ANKRD6: variants seen among roughly 807,000 people sequenced by gnomAD.
ANKRD6 encodes the protein ankyrin repeat domain 6.
ANKRD6 carries 56 observed loss-of-function variants against 82.3 expected under a neutral mutation model. The ratio of observed to expected loss-of-function variants is 0.68; its 90% CI spans 0.55 to 0.85. The LOEUF is 0.85. Among genes scored for constraint, ANKRD6 ranks in the 40% least tolerant of loss-of-function variants. The pLI, the probability that ANKRD6 is intolerant of heterozygous loss-of-function variation, is 0.00. For missense variants in ANKRD6, 852 were observed against 907.6 expected (o/e 0.94, Z 0.79); for synonymous variants, 347 against 352.1 (o/e 0.99, Z 0.16).
intron 1 of ANKRD6, among the ~76,000 whole-genome samples, chr6:89,441,093 T>G (rs1045151330): frequency 6.6e-6 from 1 of 152,216 alleles, no homozygotes; most frequent in African/African-American, 2.4e-5. Context: ...ACTTAATCTC[T>G]GTGGCCCACT....
intron 1 of ANKRD6, among the ~76,000 whole-genome samples, chr6:89,480,881 A>C (rs147173501): frequency 1.4e-5 from 2 of 142,614 alleles, no homozygotes; most frequent in Non-Finnish European, 3.0e-5. Context: ...GGTTGAGGCT[A>C]CAGTGAGCCA....
intron 1 of ANKRD6, among the ~76,000 whole-genome samples, chr6:89,455,059 G>T (rs1046462266): frequency 6.6e-6 from 1 of 151,638 alleles, no homozygotes; most frequent in Non-Finnish European, 1.5e-5. Context: ...GGCCAGGCTG[G>T]TCTCGAACTC....
intron 9 of ANKRD6, chr6:89,618,521 T>C (rs74437969): frequency 4.2e-6 from 1 of 238,864 alleles, no homozygotes; most frequent in Non-Finnish European, 8.0e-6. Context: ...TTTTACTGAC[T>C]AATGGTATTT....
At chr6:89,531,796 G>A (rs1270825651) in intron 1 of ANKRD6, among the ~76,000 whole-genome samples, 1 of 152,238 alleles carries the variant, frequency 6.6e-6, no homozygotes, top group African/African-American at 2.4e-5. Context: ...TACAAAAAAG[G>A]CCAATAGGTT....
chr6:89,599,249 T>C (rs757069846), intron 3 of ANKRD6, among the ~76,000 whole-genome samples: 49 of 152,264 alleles, frequency 3.2e-4, no homozygotes, highest in Non-Finnish European at 3.4e-4. Context: ...GGCAAATGCC[T>C]GTGGTCCCAG....
intron 1 of ANKRD6, among the ~76,000 whole-genome samples, chr6:89,441,912 G>A (rs536466715): frequency 2.0e-5 from 3 of 151,896 alleles, no homozygotes; most frequent in Admixed American, 6.6e-5. Flanking sequence ...GATTACAGGC[G>A]TGAGCCACTG....
At chr6:89,567,763 C>A (rs543653135) in intron 2 of ANKRD6, among the ~76,000 whole-genome samples, 1 of 152,182 alleles carries the variant, frequency 6.6e-6, no homozygotes, top group African/African-American at 2.4e-5. Flanking sequence ...TTGCTGTAAG[C>A]ACTTTACAGC....
intron 1 of ANKRD6, among the ~76,000 whole-genome samples, chr6:89,537,896 A>AAG (rs1554229853): frequency 5.3e-5 from 7 of 133,126 alleles, no homozygotes; most frequent in African/African-American, 1.1e-4. Context: ...AAAAAAAAAA[A>AAG]AAAAGAAAAG....
chr6:89,520,489 G>A (rs1045095778), intron 1 of ANKRD6, among the ~76,000 whole-genome samples: 1 of 152,198 alleles, frequency 6.6e-6, no homozygotes. Flanking sequence ...AAAGATAGGG[G>A]CCTATGGTCT....
chr6:89,576,208 C>T (rs905519219), intron 2 of ANKRD6, among the ~76,000 whole-genome samples: 6 of 152,166 alleles, frequency 3.9e-5, no homozygotes, highest in East Asian at 1.9e-4. Flanking sequence ...CCTGCCACCA[C>T]GCCTGGCTAA....
At chr6:89,611,376 G>T (rs1170464861) in intron 5 of ANKRD6, among the ~76,000 whole-genome samples, 1 of 152,196 alleles carries the variant, frequency 6.6e-6, no homozygotes, top group Non-Finnish European at 1.5e-5. Flanking sequence ...GAGCTTCTGT[G>T]TTTAACCTCC....
Position 89,630,460 on chromosome 6 carries a change from G to A in ANKRD6, c.1640G>A (p.Gly547Asp), listed in dbSNP as rs757565989. 1.7e-5 allele frequency: 27 copies of A among 1,613,382 alleles called. No individual in the cohort carries two copies. The Admixed American group carries it at 4.5e-4, about 27-fold the overall frequency. The change falls in exon 16 of 16, where the codon GGT becomes GAT. Residue 547 changes from glycine (G) to aspartate (D), a missense_variant. Gly to Asp is a moderately conservative substitution (Grantham distance 94, BLOSUM62 -1). Transcript: ENST00000339746. ...TGVDQLVVTAGPAAASDSSPP... is the reference protein window; with the variant it reads ...TGVDQLVVTADPAAASDSSPP... Reference sequence around the variant, plus strand: ...GTGGACCAATTAGTGGTGACTGCAGGTCCAGCAGCAGCTTCCGACAGCTCC... The same window carrying A: ...GTGGACCAATTAGTGGTGACTGCAGATCCAGCAGCAGCTTCCGACAGCTCC...
intron 1 of ANKRD6, among the ~76,000 whole-genome samples, chr6:89,482,799 T>G (rs1347163942): frequency 6.6e-6 from 1 of 152,196 alleles, no homozygotes; most frequent in Non-Finnish European, 1.5e-5. Flanking sequence ...AATGATTTCT[T>G]CCTCATTGGA....
intron 1 of ANKRD6, among the ~76,000 whole-genome samples, chr6:89,548,579 A>G (rs1204367598): frequency 6.6e-6 from 1 of 152,236 alleles, no homozygotes; most frequent in Admixed American, 6.5e-5. Context: ...TGGTAACTTT[A>G]TGAATTAACT....
chr6:89,502,886 G>C (rs557839656), intron 1 of ANKRD6, among the ~76,000 whole-genome samples: 1 of 152,228 alleles, frequency 6.6e-6, no homozygotes, highest in East Asian at 1.9e-4. Flanking sequence ...GGGGTGTGGA[G>C]GTGGGGGTTG....
At chr6:89,511,670 A>G (rs1213195484) in intron 1 of ANKRD6, among the ~76,000 whole-genome samples, 2 of 152,234 alleles carry the variant, frequency 1.3e-5, no homozygotes, top group Non-Finnish European at 2.9e-5. Flanking sequence ...GCTTAGTGCA[A>G]TGCCTGGCCC....
At chr6:89,522,080 T>G (rs1781955027) in intron 1 of ANKRD6, among the ~76,000 whole-genome samples, 1 of 152,224 alleles carries the variant, frequency 6.6e-6, no homozygotes, top group Non-Finnish European at 1.5e-5. Context: ...CTTGCCAGTG[T>G]ATATACATAA....
chr6:89,582,473 G>A (rs111559862), intron 2 of ANKRD6, among the ~76,000 whole-genome samples: 2,525 of 152,262 alleles, frequency 0.017, 89 homozygotes, highest in African/African-American at 0.058. Flanking sequence ...TTACAGGCAT[G>A]AGCCACCATG....
At chr6:89,484,690 A>G in intron 1 of ANKRD6, among the ~76,000 whole-genome samples, 1 of 152,240 alleles carries the variant, frequency 6.6e-6, no homozygotes, top group East Asian at 1.9e-4. Context: ...AAAAGTAATT[A>G]CAGTAATAGA....
Sources: gnomAD v4.1 joint callset for allele counts (sites outside exome capture counted in the v4.1 genomes callset) on GRCh38, gnomAD v4.1.1 for gene constraint, MANE v1.5 for transcripts, NCBI Gene and HGNC (gene_info 2026-07-23, HGNC 2026-07-21) for gene names.